DIAPH2: variants seen among roughly 807,000 people sequenced by gnomAD.
The protein encoded by DIAPH2 is protein diaphanous homolog 2.
A neutral mutation model predicts 92.7 loss-of-function variants in DIAPH2; 35 were observed. That is an observed-to-expected ratio of 0.38 (90% CI 0.29 to 0.50). The LOEUF (loss-of-function observed/expected upper bound fraction) is 0.50, where lower values mean the gene tolerates loss of function less well. Ranked by LOEUF, DIAPH2 falls within the 20% of genes least tolerant of loss-of-function variation. The probability of loss-of-function intolerance (pLI) is 0.94; values close to 1 mark genes in which losing one functional copy is unlikely to be tolerated. For missense variants in DIAPH2, 701 were observed against 819.5 expected, an observed-to-expected ratio of 0.86 and a Z score of 1.77; for synonymous variants, 301 against 280.4, an observed-to-expected ratio of 1.07 and a Z score of -0.73.
At chrX:97,299,302 A>C (rs1486934576) in intron 23 of DIAPH2, among the ~76,000 whole-genome samples, 1 of 111,718 alleles carries the variant, frequency 9.0e-6, no homozygotes, top group East Asian at 2.8e-4. Context: ...AAACATAACA[A>C]TTCAGATTTA....
intron 17 of DIAPH2, among the ~76,000 whole-genome samples, chrX:97,056,870 G>A (rs1210426956): frequency 1.8e-5 from 2 of 111,897 alleles, no homozygotes; most frequent in Non-Finnish European, 3.8e-5. Flanking sequence ...GAATGAATAT[G>A]CATTGAAAGC....
rs767366436 is a variant in DIAPH2, at chrX:97,506,444, C to G, written c.3241+76699C>G. On this transcript the variant is annotated intron_variant, in intron 26 of 26. Coordinates refer to ENST00000324765, the MANE Select transcript of DIAPH2 (RefSeq NM_006729.5). ...GGGATTAGAGGCGTCAGCCACCATG[C>G]CCAGCCCTTTTTTTTTTTTTTTTTT... 1.4e-4 allele frequency among the ~76,000 whole-genome samples: 11 copies of G among 78,447 alleles called. No homozygotes were observed. The South Asian group carries it at 9.0e-3, about 64-fold the overall frequency. 68.1% of individuals were successfully genotyped at this position (78,447 alleles called of 115,157 possible). A position where few individuals can be genotyped will look rare whatever the true frequency, so the allele number is the denominator to read the frequency against.
At chrX:97,543,309 C>T (rs1286213120) in intron 26 of DIAPH2, among the ~76,000 whole-genome samples, 4 of 111,818 alleles carry the variant, frequency 3.6e-5, no homozygotes, top group Non-Finnish European at 7.5e-5. Flanking sequence ...AGTCACACAT[C>T]ATTACTTGTA....
intron 20 of DIAPH2, among the ~76,000 whole-genome samples, chrX:97,110,503 T>C (rs1018576858): frequency 1.8e-5 from 2 of 111,809 alleles, no homozygotes; most frequent in Admixed American, 1.9e-4. Flanking sequence ...AAGCTTGAAG[T>C]ACATAAAATT....
intron 24 of DIAPH2, among the ~76,000 whole-genome samples, chrX:97,379,210 A>G (rs2069530082): frequency 1.8e-5 from 2 of 111,738 alleles, no homozygotes; most frequent in South Asian, 7.6e-4. Flanking sequence ...CATATTCAGT[A>G]TAGTTATGAG....
At chrX:97,450,350 A>G (rs1199573894) in intron 26 of DIAPH2, among the ~76,000 whole-genome samples, 3 of 111,993 alleles carry the variant, frequency 2.7e-5, no homozygotes, top group Non-Finnish European at 1.9e-5. Flanking sequence ...TATGTATACA[A>G]TCTTTAACCT....
intron 5 of DIAPH2, among the ~76,000 whole-genome samples, chrX:96,902,940 T>C (rs1339242227): frequency 9.0e-6 from 1 of 111,694 alleles, no homozygotes; most frequent in African/African-American, 3.2e-5. Context: ...TTGGTTTCAG[T>C]TATCTTGTGC....
intron 4 of DIAPH2, among the ~76,000 whole-genome samples, chrX:96,760,323 T>C (rs2064260044): frequency 9.0e-6 from 1 of 111,399 alleles, no homozygotes; most frequent in South Asian, 3.7e-4. Context: ...AACAATAATC[T>C]AACCTTTTTA....
intron 17 of DIAPH2, among the ~76,000 whole-genome samples, chrX:96,984,139 T>C (rs1419021077): frequency 8.9e-6 from 1 of 111,902 alleles, no homozygotes. Flanking sequence ...TACAGAACTT[T>C]GAAGGTATAT....
intron 26 of DIAPH2, among the ~76,000 whole-genome samples, chrX:97,464,524 C>A (rs901561088): frequency 1.8e-5 from 2 of 110,719 alleles, no homozygotes; most frequent in African/African-American, 6.6e-5. Flanking sequence ...TGACATGGGT[C>A]TCTCCAAGTT....
chrX:97,213,399 T>C (rs2067856916), intron 22 of DIAPH2, among the ~76,000 whole-genome samples: 1 of 111,730 alleles, frequency 9.0e-6, no homozygotes, highest in Admixed American at 9.6e-5. Context: ...GATTAAGAAA[T>C]GTGTTTTCAT....
intron 25 of DIAPH2, among the ~76,000 whole-genome samples, chrX:97,421,400 G>A (rs1214474151): frequency 9.0e-6 from 1 of 111,070 alleles, no homozygotes; most frequent in Non-Finnish European, 1.9e-5. Context: ...CTTCAATTTT[G>A]TGTTATCTAC....
chrX:97,519,764 C>T (rs1253137820), intron 26 of DIAPH2, among the ~76,000 whole-genome samples: 1 of 111,034 alleles, frequency 9.0e-6, no homozygotes, highest in Non-Finnish European at 1.9e-5. Context: ...TGGAGTCTCA[C>T]TCTGTCACCC....
At chrX:97,087,833 T>C (rs1427667900) in intron 19 of DIAPH2, among the ~76,000 whole-genome samples, 2 of 111,278 alleles carry the variant, frequency 1.8e-5, no homozygotes, top group Non-Finnish European at 3.8e-5. Context: ...AAAGAACTCA[T>C]AGTCTTCATC....
chrX:97,229,373 G>C (rs1275915856), intron 22 of DIAPH2, among the ~76,000 whole-genome samples: 2 of 111,298 alleles, frequency 1.8e-5, no homozygotes, highest in East Asian at 5.6e-4. Context: ...AATGCATGTA[G>C]AACAGTTGCA....
chrX:97,544,659 C>G (rs1393861155), intron 26 of DIAPH2, among the ~76,000 whole-genome samples: 1 of 111,713 alleles, frequency 9.0e-6, no homozygotes, highest in African/African-American at 3.3e-5. Context: ...ACATGTACCA[C>G]AAGATGTTAC....
intron 1 of DIAPH2, among the ~76,000 whole-genome samples, chrX:96,701,345 T>C (rs1031586913): frequency 1.8e-5 from 2 of 111,507 alleles, no homozygotes; most frequent in Non-Finnish European, 3.8e-5. Flanking sequence ...CAGATACATA[T>C]AAAGTAGTAA....
chrX:96,882,250 C>T (rs774384489), intron 5 of DIAPH2, among the ~76,000 whole-genome samples: 226 of 109,732 alleles, frequency 2.1e-3, no homozygotes, highest in Admixed American at 4.0e-3. Context: ...GGGGTTTCAC[C>T]ATATTGGCCA....
At chrX:96,969,944 C>T (rs1450072730) in intron 17 of DIAPH2, among the ~76,000 whole-genome samples, 1 of 111,470 alleles carries the variant, frequency 9.0e-6, no homozygotes, top group Non-Finnish European at 1.9e-5. Context: ...GATGCTGGAT[C>T]TTATTGATGG....
Sources: gnomAD v4.1 joint callset for allele counts (sites outside exome capture counted in the v4.1 genomes callset) on GRCh38, gnomAD v4.1.1 for gene constraint, MANE v1.5 for transcripts, NCBI Gene and HGNC (gene_info 2026-07-23, HGNC 2026-07-21) for gene names.